Variants in SMYD3 observed in about 807,000 individuals in gnomAD.
SMYD3 encodes the protein SET and MYND domain containing 3.
SMYD3 carries 36 observed loss-of-function variants against 57.7 expected under a neutral mutation model. The ratio of observed to expected loss-of-function variants is 0.62; its 90% CI spans 0.48 to 0.82. SMYD3 has a LOEUF of 0.82. Ranked by LOEUF, SMYD3 falls within the 40% of genes least tolerant of loss-of-function variation. The pLI is 0.00. For missense variants in SMYD3, 515 were observed against 538.8 expected (o/e 0.96, Z 0.44); for synonymous variants, 211 against 195.0 (o/e 1.08, Z -0.68).
At chr1:246,095,519 A>G (rs1417638378) in intron 5 of SMYD3, among the ~76,000 whole-genome samples, 1 of 152,232 alleles carries the variant, frequency 6.6e-6, no homozygotes, top group Non-Finnish European at 1.5e-5. Context: ...TTCAAAGAAG[A>G]CTGCACAAAA....
chr1:246,033,430 G>A lies in SMYD3; in HGVS notation c.532-103493C>T, dbSNP rs564222133. On this transcript the variant is annotated intron_variant, in intron 5 of 11. Transcript: ENST00000490107. ...GGAAAGTGAATGTATCTATAAAAGG[G>A]CAACGTGAGGAATTCTTGTGGTGAT... is the stretch of plus-strand genomic sequence containing the variant. 7.6e-4 allele frequency among the ~76,000 whole-genome samples: 115 copies of A among 152,316 alleles called. 2 individuals are homozygous for A. The South Asian group carries it at 7.9e-3, about 10-fold the overall frequency.
intron 10 of SMYD3, among the ~76,000 whole-genome samples, chr1:245,793,770 A>C (rs554189953): frequency 7.2e-4 from 110 of 152,286 alleles, no homozygotes; most frequent in African/African-American, 2.6e-3. Flanking sequence ...CAAATCCCTG[A>C]CCATGGCCCA....
chr1:246,479,502 A>T (rs1174847837), intron 1 of SMYD3, among the ~76,000 whole-genome samples: 13 of 107,596 alleles, frequency 1.2e-4, no homozygotes, highest in Admixed American at 2.4e-4. Flanking sequence ...AAAAAGCGGG[A>T]TTTTTTTTTT....
intron 5 of SMYD3, among the ~76,000 whole-genome samples, chr1:246,173,052 A>G (rs1352276024): frequency 6.7e-6 from 1 of 149,890 alleles, no homozygotes; most frequent in Admixed American, 6.7e-5. Context: ...AACACCGCAC[A>G]CTTAGGCTAC....
intron 1 of SMYD3, among the ~76,000 whole-genome samples, chr1:246,465,747 A>G (rs1226276477): frequency 6.6e-6 from 1 of 152,198 alleles, no homozygotes; most frequent in East Asian, 1.9e-4. Context: ...GGCTGTGGAG[A>G]AAAGAGAACA....
chr1:246,132,309 G>A (rs2061600892), intron 5 of SMYD3, among the ~76,000 whole-genome samples: 1 of 151,796 alleles, frequency 6.6e-6, no homozygotes. Context: ...AAAATTAATT[G>A]GGTTATGAAA....
intron 11 of SMYD3, among the ~76,000 whole-genome samples, chr1:245,752,977 AC>A (rs1338654209): frequency 3.3e-5 from 5 of 152,192 alleles, no homozygotes; most frequent in Admixed American, 2.6e-4. Flanking sequence ...GACTGCAGTG[AC>A]CAAGGAGAGG....
intron 5 of SMYD3, among the ~76,000 whole-genome samples, chr1:246,232,469 CT>C (rs1303803757): frequency 2.0e-5 from 3 of 151,854 alleles, no homozygotes; most frequent in Non-Finnish European, 4.4e-5. Flanking sequence ...AGAAGCACTC[CT>C]TCAATTCACA....
intron 5 of SMYD3, among the ~76,000 whole-genome samples, chr1:246,164,367 C>T (rs1320626742): frequency 6.6e-6 from 1 of 152,204 alleles, no homozygotes; most frequent in Non-Finnish European, 1.5e-5. Context: ...TTGCAGTGAG[C>T]TGCGATCATG....
At chr1:246,027,289 G>A (rs957494937) in intron 5 of SMYD3, among the ~76,000 whole-genome samples, 3 of 152,214 alleles carry the variant, frequency 2.0e-5, no homozygotes, top group Admixed American at 6.5e-5. Flanking sequence ...TGACTGATGA[G>A]GGTGGCAACA....
Position 245,955,957 on chromosome 1 carries a change from C to A in SMYD3, c.532-26020G>T, listed in dbSNP as rs1298478650. 10 of 984,886 alleles carry A rather than the reference C, an allele frequency of 1.0e-5. No homozygotes were observed. The South Asian group carries it at 1.9e-4, about 19-fold the overall frequency. 61.0% of individuals were successfully genotyped at this position (984,886 alleles called of 1,614,324 possible). A position where few individuals can be genotyped will look rare whatever the true frequency, so the allele number is the denominator to read the frequency against. ...GTTGCTATAGTTTATAGCTGACAGA[C>A]CTCTTGATGTGTCTTCTAGGAGGCG... On this transcript the variant is annotated intron_variant, in intron 5 of 11. Transcript: ENST00000490107.
intron 10 of SMYD3, among the ~76,000 whole-genome samples, chr1:245,775,391 C>T (rs746760904): frequency 4.6e-5 from 7 of 152,040 alleles, no homozygotes; most frequent in Non-Finnish European, 8.8e-5. Flanking sequence ...GCCTTGGGAT[C>T]CTGTTGATCT....
chr1:245,762,833 C>G (rs999871362), intron 11 of SMYD3, among the ~76,000 whole-genome samples: 2 of 152,182 alleles, frequency 1.3e-5, no homozygotes, highest in Non-Finnish European at 2.9e-5. Context: ...CCTGAGCAAC[C>G]CTGACGCCCG....
At chr1:245,949,961 C>T (rs116510451) in intron 5 of SMYD3, among the ~76,000 whole-genome samples, 4,382 of 151,978 alleles carry the variant, frequency 0.029, 103 homozygotes, top group Non-Finnish European at 0.044. Flanking sequence ...GGAAGGAGCA[C>T]AAGTCACTGT....
chr1:246,220,710 G>A (rs531814051), intron 5 of SMYD3, among the ~76,000 whole-genome samples: 1 of 152,182 alleles, frequency 6.6e-6, no homozygotes, highest in East Asian at 1.9e-4. Context: ...CCTGAAGGCT[G>A]GGGGCTGGGC....
At chr1:246,373,910 C>T (rs2066230098) in intron 1 of SMYD3, among the ~76,000 whole-genome samples, 1 of 152,128 alleles carries the variant, frequency 6.6e-6, no homozygotes, top group Admixed American at 6.5e-5. Flanking sequence ...GGCTATTCCA[C>T]AAAACAACCC....
chr1:246,368,602 T>C (rs918332903), intron 1 of SMYD3, among the ~76,000 whole-genome samples: 2 of 152,314 alleles, frequency 1.3e-5, no homozygotes, highest in African/African-American at 4.8e-5. Flanking sequence ...CTTGATTGGA[T>C]TGAAGGATGC....
At chr1:246,123,810 GT>G (rs112731841) in intron 5 of SMYD3, among the ~76,000 whole-genome samples, 2 of 151,528 alleles carry the variant, frequency 1.3e-5, no homozygotes, top group Non-Finnish European at 2.9e-5. Flanking sequence ...TTTTTCTTGT[GT>G]TTTTTTTCCC....
intron 8 of SMYD3, among the ~76,000 whole-genome samples, chr1:245,884,544 C>T (rs1444609709): frequency 1.3e-5 from 2 of 152,002 alleles, no homozygotes; most frequent in African/African-American, 4.8e-5. Flanking sequence ...AAGAAGCTGG[C>T]CATCCCACCC....
Sources: gnomAD v4.1 joint callset for allele counts (sites outside exome capture counted in the v4.1 genomes callset) on GRCh38, gnomAD v4.1.1 for gene constraint, MANE v1.5 for transcripts, NCBI Gene and HGNC (gene_info 2026-07-23, HGNC 2026-07-21) for gene names.